The following SYNE2 variants were observed in gnomAD, a reference collection of about 807,000 sequenced individuals.
SYNE2 encodes the protein spectrin repeat containing nuclear envelope protein 2, also known as nesprin-2.
Under a neutral mutation model 856.3 loss-of-function variants are expected in SYNE2, and 431 were observed. The observed-to-expected ratio is 0.50, with a 90% CI of 0.47 to 0.55. The LOEUF is 0.55. SYNE2 is among the 20% of genes least tolerant of loss of function. The probability of loss-of-function intolerance (pLI) is 0.00; values close to 1 mark genes in which losing one functional copy is unlikely to be tolerated. For missense variants in SYNE2, 8,129 were observed against 8,023.2 expected (o/e 1.01, Z -0.50); for synonymous variants, 2,923 against 2,872.3 (o/e 1.02, Z -0.56).
chr14:63,907,611 G>C (rs566891639), intron 1 of SYNE2, among the ~76,000 whole-genome samples: 8 of 152,040 alleles, frequency 5.3e-5, no homozygotes, highest in African/African-American at 1.4e-4. Context: ...CGATGACATG[G>C]AATAGTGTGT....
intron 1 of SYNE2, among the ~76,000 whole-genome samples, chr14:63,867,555 A>C (rs1032498459): frequency 6.6e-6 from 1 of 152,030 alleles, no homozygotes; most frequent in African/African-American, 2.4e-5. Flanking sequence ...AAAATTAGCC[A>C]GGTGTGGTGG....
chr14:63,850,079 CTTTTTT>C (rs66964099), upstream of SYNE2, among the ~76,000 whole-genome samples: 4 of 130,434 alleles, frequency 3.1e-5, no homozygotes, highest in Admixed American at 8.0e-5. Context: ...TGACAACATA[CTTTTTT>C]TTTTTTTTTT....
At chr14:63,819,052 GAA>G (rs900669120) in intron 1 of SYNE2, among the ~76,000 whole-genome samples, 1 of 144,132 alleles carries the variant, frequency 6.9e-6, no homozygotes, top group African/African-American at 2.5e-5. Flanking sequence ...AATAAGGCAA[GAA>G]AAAAAAAACT....
At chr14:64,005,516 A>G (rs188869326) in intron 30 of SYNE2, among the ~76,000 whole-genome samples, 64 of 152,324 alleles carry the variant, frequency 4.2e-4, no homozygotes, top group African/African-American at 1.3e-3. Flanking sequence ...TTCATTGTCC[A>G]TTGTGTCAGT....
In SYNE2 at chr14:64,017,634, C is replaced by A; in HGVS notation, c.4927C>A (p.Arg1643=). Residue 1643 remains arginine (R), a synonymous_variant, in exon 34 of 116, where the codon CGA becomes AGA. Transcript: ENST00000555002. ...AGAAGATTACTATGAAAATCTTGGT[C>A]GAGCTCTAGCTTTGTGGGACAAACT... The part of the protein sequence containing the change: ...KTEDYYENLG[R]ALALWDKLFN... 1.2e-6 allele frequency: 2 copies of A among 1,612,902 alleles called. No homozygotes were observed. The highest frequency in any genetic ancestry group is 2.2e-5 in the South Asian group (2 of 90,990).
chr14:64,034,284 T>C (rs1227522747), intron 45 of SYNE2, among the ~76,000 whole-genome samples: 4 of 152,172 alleles, frequency 2.6e-5, no homozygotes, highest in African/African-American at 9.7e-5. Context: ...TTGAGACTTA[T>C]TTTGTGCTAG....
intron 1 of SYNE2, among the ~76,000 whole-genome samples, chr14:63,893,873 CA>C (rs1268384540): frequency 2.6e-5 from 4 of 152,118 alleles, no homozygotes; most frequent in Non-Finnish European, 4.4e-5. Context: ...TAGTATACTC[CA>C]GCTTAAAATG....
rs1244992749 is a variant in SYNE2, at chr14:64,119,549, A to G, written c.12963A>G (p.Thr4321=). The G allele has an allele frequency of 6.2e-7, 1 of 1,614,238 alleles. No homozygotes were observed. The highest frequency in any genetic ancestry group is 8.5e-7 in the Non-Finnish European group (1 of 1,180,036). The part of the protein sequence containing the change: ...EAEALSLKLK[T]VKCNLEKVQM... ...AAGCGCTTTCCCTGAAACTGAAAAC[A>G]GTGAAGTGCAATTTAGAAAAAGTCC... The change falls in exon 67 of 116, where the codon ACA becomes ACG. Residue 4321 remains threonine, a synonymous_variant. Transcript: ENST00000555002.
At chr14:64,100,568 A>ATT (rs1424883350) in intron 63 of SYNE2, among the ~76,000 whole-genome samples, 1 of 132,354 alleles carries the variant, frequency 7.6e-6, no homozygotes, top group African/African-American at 2.9e-5. Flanking sequence ...ATATATATAT[A>ATT]TATTTATGAC....
Position 64,210,023 on chromosome 14 carries a change from C to G in SYNE2, c.18622C>G (p.Arg6208Gly). ...KQYRRLAREN[R>G]TDTASRLKQM... ...GTACCGGCGGCTGGCCCGGGAGAAC[C>G]GCACAGACACGGCCAGCAGGCTGAA... The change falls in exon 103 of 116, where the codon CGC becomes GGC. Residue 6208 changes from arginine to glycine, a missense_variant. Coordinates refer to ENST00000555002, the MANE Select transcript of SYNE2 (RefSeq NM_182914.3). 6.2e-6 allele frequency: 10 copies of G among 1,614,108 alleles called. No individual in the cohort carries two copies. Among genetic ancestry groups the G allele is most frequent in the Non-Finnish European group, 8.5e-6 (10 of 1,180,024 alleles).
intron 65 of SYNE2, chr14:64,113,103 G>A (rs376637871): frequency 4.2e-5 from 41 of 985,368 alleles, no homozygotes; most frequent in Admixed American, 1.8e-4. Flanking sequence ...GCCTGTTTGC[G>A]TCCTCTGTGC....
chr14:63,971,181 G>A (rs573962554), intron 11 of SYNE2, among the ~76,000 whole-genome samples: 10 of 150,084 alleles, frequency 6.7e-5, no homozygotes, highest in African/African-American at 2.0e-4. Context: ...GCTTGATCAC[G>A]GCTAACTGCA....
chr14:64,027,932 G>C, intron 43 of SYNE2, 139 bp downstream of exon 43: 1 of 754,388 alleles, frequency 1.3e-6, no homozygotes, highest in Non-Finnish European at 2.1e-6. Flanking sequence ...TTTTGAGACA[G>C]GGTCTCACTC....
chr14:64,161,851 A>C (rs987664070), intron 87 of SYNE2, among the ~76,000 whole-genome samples: 1 of 152,056 alleles, frequency 6.6e-6, no homozygotes, highest in African/African-American at 2.4e-5. Flanking sequence ...TACATTTTGT[A>C]GTTTTTGTGC....
At chr14:64,215,511 A>C in intron 107 of SYNE2, 157 bp downstream of exon 107, 1 of 785,898 alleles carries the variant, frequency 1.3e-6, no homozygotes, top group Non-Finnish European at 2.2e-6. Context: ...GTACTCACCC[A>C]TAACTGCGTG....
intron 1 of SYNE2, among the ~76,000 whole-genome samples, chr14:63,799,880 T>G (rs1286977771): frequency 2.0e-5 from 3 of 152,162 alleles, no homozygotes; most frequent in Non-Finnish European, 4.4e-5. Flanking sequence ...TTTCTTTCGC[T>G]CTAATAGAAG....
chr14:63,775,013 G>T (rs1887058167), intron 1 of SYNE2, among the ~76,000 whole-genome samples: 3 of 151,780 alleles, frequency 2.0e-5, no homozygotes, highest in Admixed American at 1.3e-4. Flanking sequence ...TTTCACTCTT[G>T]CCGCCCAAGC....
intron 63 of SYNE2, among the ~76,000 whole-genome samples, chr14:64,100,547 T>A (rs76379916): frequency 0.041 from 3,499 of 85,546 alleles, 386 homozygotes; most frequent in African/African-American, 0.12. Flanking sequence ...TATATATATA[T>A]ATATATATAT....
intron 45 of SYNE2, among the ~76,000 whole-genome samples, chr14:64,036,642 A>T (rs2097092761): frequency 6.6e-6 from 1 of 152,166 alleles, no homozygotes; most frequent in African/African-American, 2.4e-5. Flanking sequence ...CTACATTGAC[A>T]GGCCCTCAGT....
Sources: gnomAD v4.1 joint callset for allele counts (sites outside exome capture counted in the v4.1 genomes callset) on GRCh38, gnomAD v4.1.1 for gene constraint, MANE v1.5 for transcripts, NCBI Gene and HGNC (gene_info 2026-07-23, HGNC 2026-07-21) for gene names.